Variants in CEP162 observed in about 807,000 individuals in gnomAD.
CEP162 encodes the protein centrosomal protein 162.
In CEP162, 141 loss-of-function variants were observed where a neutral mutation model predicts 169.2. The observed-to-expected ratio is 0.83, with a 90% CI of 0.73 to 0.96. The LOEUF is 0.96. CEP162 is among the 40% of genes least tolerant of loss of function. The probability of loss-of-function intolerance (pLI) is 0.00; values close to 1 mark genes in which losing one functional copy is unlikely to be tolerated. For missense variants in CEP162, 1,600 were observed against 1,587.2 expected (o/e 1.01, Z -0.14); for synonymous variants, 540 against 526.4 (o/e 1.03, Z -0.35).
chr6:84,224,756 G>A (rs1163907512), intron 2 of CEP162, among the ~76,000 whole-genome samples: 1 of 152,132 alleles, frequency 6.6e-6, no homozygotes, highest in Non-Finnish European at 1.5e-5. Flanking sequence ...ACAGAAGGGT[G>A]GGGGAAGGAG....
At chr6:84,136,507 G>C (rs1174118146) in intron 25 of CEP162, among the ~76,000 whole-genome samples, 3 of 152,148 alleles carry the variant, frequency 2.0e-5, no homozygotes, top group Admixed American at 1.3e-4. Context: ...AGTTTTGGCA[G>C]GGATATTCAA....
chr6:84,221,649 T>C (rs754045991), intron 2 of CEP162, among the ~76,000 whole-genome samples: 7 of 152,148 alleles, frequency 4.6e-5, no homozygotes, highest in Non-Finnish European at 1.0e-4. Flanking sequence ...TAAACACTTA[T>C]TTGCTTTTTT....
In CEP162 at chr6:84,185,179, A is replaced by G; in HGVS notation, c.1663+8T>C. ...AAACAATATACTAAATAAAGAGTATATGATTACCTTTTTTCCTAGGTTGAT... is the reference window on the plus strand; with the variant it reads ...AAACAATATACTAAATAAAGAGTATGTGATTACCTTTTTTCCTAGGTTGAT... On this transcript the variant is annotated splice_region_variant and intron_variant, in intron 13 of 26. Transcript: ENST00000403245. 1 of 1,602,080 alleles carries G rather than the reference A, an allele frequency of 6.2e-7. No homozygotes were observed.
Position 84,169,339 on chromosome 6 carries a change from G to GC in CEP162, c.2373_2374insG (p.Arg792AlafsTer25), listed in dbSNP as rs757511364. The GC allele has an allele frequency of 6.4e-6, 10 of 1,563,094 alleles. No homozygotes were observed. The highest frequency in any genetic ancestry group is 8.7e-6 in the Non-Finnish European group (10 of 1,152,266). ...GTTATGCAACTTACCTGTGCCATCC[G>GC]TAGTTCTGCTAACAGATCTGTAAAA... is the stretch of plus-strand genomic sequence containing the variant. On this transcript the variant is annotated frameshift_variant, in exon 18 of 27. Transcript: ENST00000403245. LOFTEE classifies it high-confidence loss of function.
At position 84,152,642 on chromosome 6, in the gene CEP162, T is replaced by G; in HGVS notation, c.3532A>C (p.Arg1178=). 6.3e-7 allele frequency: 1 copy of G among 1,599,470 alleles called. No individual in the cohort carries two copies. The highest frequency in any genetic ancestry group is 8.5e-7 in the Non-Finnish European group (1 of 1,172,084). ...AATCCTTCTAGCTCATTTTTTAATCTGTAGTTTTCTTGTAAAACTTCTGAA... is the reference window on the plus strand; with the variant it reads ...AATCCTTCTAGCTCATTTTTTAATCGGTAGTTTTCTTGTAAAACTTCTGAA... ...HVSEVLQENY[R]LKNELEGLIS... is the part of the protein sequence containing the mutation. Residue 1178 remains arginine (R), a synonymous_variant, in exon 23 of 27, where the codon AGA becomes CGA. Coordinates refer to ENST00000403245, the MANE Select transcript of CEP162 (RefSeq NM_014895.4).
intron 9 of CEP162, 24 bp downstream of exon 9, chr6:84,200,765 A>T: frequency 8.7e-7 from 1 of 1,148,046 alleles, no homozygotes; most frequent in Non-Finnish European, 1.3e-6. Flanking sequence ...TTTAGAGAAC[A>T]GTCAGGTTTC....
At chr6:84,145,449 C>A (rs2099518417) in intron 25 of CEP162, among the ~76,000 whole-genome samples, 1 of 151,992 alleles carries the variant, frequency 6.6e-6, no homozygotes, top group Non-Finnish European at 1.5e-5. Flanking sequence ...TTATTTTTGC[C>A]ATTGGTCTTA....
chr6:84,211,466 G>A (rs1358067881), intron 6 of CEP162, among the ~76,000 whole-genome samples: 1 of 144,036 alleles, frequency 6.9e-6, no homozygotes, highest in Non-Finnish European at 1.5e-5. Context: ...GGCGGAGCTT[G>A]CAGTTAGCCG....
At chr6:84,226,071 A>G (rs1208395592) in intron 2 of CEP162, among the ~76,000 whole-genome samples, 1 of 151,030 alleles carries the variant, frequency 6.6e-6, no homozygotes, top group East Asian at 2.0e-4. Flanking sequence ...ATGTGATGGG[A>G]GACCAATAGA....
intron 9 of CEP162, among the ~76,000 whole-genome samples, chr6:84,199,574 A>G (rs1222060524): frequency 1.4e-5 from 2 of 140,598 alleles, no homozygotes; most frequent in Non-Finnish European, 3.1e-5. Flanking sequence ...AAAAAAAAAA[A>G]GAATGAAATG....
At chr6:84,208,254 T>C (rs888485459) in intron 6 of CEP162, among the ~76,000 whole-genome samples, 8 of 152,196 alleles carry the variant, frequency 5.3e-5, no homozygotes, top group African/African-American at 1.2e-4. Context: ...ATGGGGAAGG[T>C]TGGACAGGAA....
intron 4 of CEP162, 119 bp downstream of exon 4, chr6:84,215,657 G>A: frequency 2.2e-6 from 3 of 1,342,912 alleles, no homozygotes. Flanking sequence ...TAAACCTCTA[G>A]GAAGATATTA....
intron 25 of CEP162, among the ~76,000 whole-genome samples, chr6:84,145,551 G>T: frequency 6.6e-6 from 1 of 152,050 alleles, no homozygotes; most frequent in Non-Finnish European, 1.5e-5. Flanking sequence ...GTAGATATCA[G>T]ATTCTAGCCT....
chr6:84,217,350 T>C (rs1322756081), intron 3 of CEP162, among the ~76,000 whole-genome samples: 2 of 152,022 alleles, frequency 1.3e-5, no homozygotes, highest in African/African-American at 2.4e-5. Context: ...CAACTTTAAA[T>C]AGGATGGTCA....
intron 18 of CEP162, among the ~76,000 whole-genome samples, chr6:84,168,289 C>T (rs375302932): frequency 1.3e-5 from 2 of 152,084 alleles, no homozygotes; most frequent in Admixed American, 6.6e-5. Context: ...ATTCATTTAC[C>T]TTTCTACCTA....
rs2099545723 is a variant in CEP162, at chr6:84,204,038, A to G, written c.630T>C (p.Asp210=). The change falls in exon 7 of 27, where the codon GAT becomes GAC. Residue 210 remains aspartate, a synonymous_variant. Transcript: ENST00000403245. ...AATTCTCTTTGGAAGGCATCTCTTCATCTTTAGTAGTCAACGGTGCACCAA... is the reference window on the plus strand; with the variant it reads ...AATTCTCTTTGGAAGGCATCTCTTCGTCTTTAGTAGTCAACGGTGCACCAA... ...EYVGAPLTTK[D]EEMPSKENSK... The G allele has an allele frequency of 5.6e-6, 9 of 1,611,000 alleles. No homozygotes were observed. Among genetic ancestry groups the G allele is most frequent in the Middle Eastern group, 1.6e-4 (1 of 6,072 alleles).
At chr6:84,134,953 C>T (rs1309660004) in intron 25 of CEP162, among the ~76,000 whole-genome samples, 1 of 129,546 alleles carries the variant, frequency 7.7e-6, no homozygotes, top group Non-Finnish European at 1.7e-5. Context: ...CACACACACA[C>T]ACATATATAG....
chr6:84,194,355 A>AG (rs1283653941), intron 10 of CEP162, among the ~76,000 whole-genome samples: 1 of 107,124 alleles, frequency 9.3e-6, no homozygotes, highest in Non-Finnish European at 2.0e-5. Flanking sequence ...ACTCCGTCTC[A>AG]AAAAAAAAAA....
At chr6:84,160,718 C>CA (rs2099525401) in intron 21 of CEP162, 94 bp downstream of exon 21, 1 of 729,846 alleles carries the variant, frequency 1.4e-6, no homozygotes, top group Non-Finnish European at 2.4e-6. Context: ...ATTTCCAGGT[C>CA]AACTCCATCT....
Sources: gnomAD v4.1 joint callset for allele counts (sites outside exome capture counted in the v4.1 genomes callset) on GRCh38, gnomAD v4.1.1 for gene constraint, MANE v1.5 for transcripts, NCBI Gene and HGNC (gene_info 2026-07-23, HGNC 2026-07-21) for gene names.